Variants in SPSB4 observed in about 807,000 individuals in gnomAD.
SPSB4 encodes the protein SPRY domain-containing SOCS box protein 4.
SPSB4 carries 21 observed loss-of-function variants against 20.9 expected under a neutral mutation model. The ratio of observed to expected loss-of-function variants is 1.01; its 90% CI spans 0.71 to 1.45. The LOEUF is 1.45. SPSB4 is among the 40% of genes most tolerant of loss of function. The pLI is 0.00. For synonymous variants in SPSB4, 207 were observed against 183.8 expected (o/e 1.13, Z -1.02); for missense variants, 399 against 399.2 (o/e 1.00, Z 0.00).
chr3:141,110,129 T>C (rs1169443019), intron 2 of SPSB4, among the ~76,000 whole-genome samples: 6 of 152,194 alleles, frequency 3.9e-5, no homozygotes, highest in Non-Finnish European at 1.5e-5. Flanking sequence ...CCACAGCGGA[T>C]GCTTCTTTCA....
intron 2 of SPSB4, among the ~76,000 whole-genome samples, chr3:141,130,437 C>T (rs1176958595): frequency 1.3e-5 from 2 of 152,168 alleles, no homozygotes; most frequent in Non-Finnish European, 1.5e-5. Flanking sequence ...TGTGCTTGCA[C>T]ATGTGTGTGT....
chr3:141,096,668 C>T (rs899315670), intron 2 of SPSB4, among the ~76,000 whole-genome samples: 1 of 152,206 alleles, frequency 6.6e-6, no homozygotes, highest in Non-Finnish European at 1.5e-5. Flanking sequence ...TCATAGTAAA[C>T]ATATTACAGT....
chr3:141,145,659 C>A (rs966144665), intron 2 of SPSB4, among the ~76,000 whole-genome samples: 1 of 152,024 alleles, frequency 6.6e-6, no homozygotes, highest in Non-Finnish European at 1.5e-5. Context: ...TATTCTATTA[C>A]CAAAAAAGTA....
chr3:141,116,189 T>G (rs1938877348), intron 2 of SPSB4, among the ~76,000 whole-genome samples: 1 of 152,220 alleles, frequency 6.6e-6, no homozygotes, highest in Non-Finnish European at 1.5e-5. Context: ...CCCAGGCTGC[T>G]TCAGGAAGGG....
At chr3:141,121,679 T>C (rs1285848964) in intron 2 of SPSB4, among the ~76,000 whole-genome samples, 1 of 152,240 alleles carries the variant, frequency 6.6e-6, no homozygotes, top group African/African-American at 2.4e-5. Flanking sequence ...CAATCACTGA[T>C]GTCCTTTCTT....
chr3:141,134,056 C>CTTTTTTTT (rs1222303281), intron 2 of SPSB4, among the ~76,000 whole-genome samples: 68 of 61,622 alleles, frequency 1.1e-3, no homozygotes, highest in South Asian at 2.0e-3. Flanking sequence ...TTTCTTTTTT[C>CTTTTTTTT]TTTTTTTTTT....
intron 2 of SPSB4, among the ~76,000 whole-genome samples, chr3:141,133,009 G>A (rs946100693): frequency 2.6e-4 from 40 of 151,872 alleles, no homozygotes; most frequent in Non-Finnish European, 3.8e-4. Context: ...CATTCTTGCA[G>A]GAGTAAGTAT....
intron 1 of SPSB4, among the ~76,000 whole-genome samples, chr3:141,064,460 T>C (rs1313256412): frequency 3.9e-5 from 6 of 152,212 alleles, no homozygotes; most frequent in Non-Finnish European, 8.8e-5. Context: ...GCTCTCGGAA[T>C]AGGGTCAACA....
chr3:141,096,139 T>C (rs1427936742), intron 2 of SPSB4, among the ~76,000 whole-genome samples: 1 of 152,148 alleles, frequency 6.6e-6, no homozygotes, highest in Non-Finnish European at 1.5e-5. Context: ...AGGTACCTTC[T>C]GCCTCAGTCA....
At chr3:141,056,129 C>G (rs1190359754) in intron 1 of SPSB4, among the ~76,000 whole-genome samples, 2 of 152,244 alleles carry the variant, frequency 1.3e-5, no homozygotes, top group African/African-American at 4.8e-5. Flanking sequence ...GTGGTAAGCT[C>G]TACACTTCAA....
chr3:141,105,947 G>A (rs1187211503), intron 2 of SPSB4, among the ~76,000 whole-genome samples: 2 of 152,208 alleles, frequency 1.3e-5, no homozygotes, highest in African/African-American at 2.4e-5. Flanking sequence ...CACACTACAT[G>A]TGGTAACTAC....
At chr3:141,072,455 G>C (rs984787960) in intron 2 of SPSB4, among the ~76,000 whole-genome samples, 3 of 152,150 alleles carry the variant, frequency 2.0e-5, no homozygotes, top group Non-Finnish European at 4.4e-5. Context: ...TGCCCTCCTC[G>C]TGGTAATGAG....
chr3:141,141,997 C>T (rs937219324), intron 2 of SPSB4, among the ~76,000 whole-genome samples: 1 of 152,048 alleles, frequency 6.6e-6, no homozygotes, highest in Non-Finnish European at 1.5e-5. Flanking sequence ...AAAGAACTGG[C>T]TTTTTGTTTT....
At chr3:141,137,804 G>T (rs1046517070) in intron 2 of SPSB4, among the ~76,000 whole-genome samples, 1 of 151,946 alleles carries the variant, frequency 6.6e-6, no homozygotes, top group African/African-American at 2.4e-5. Context: ...CTCTTTTTTT[G>T]TGTGTCTCTG....
intron 1 of SPSB4, among the ~76,000 whole-genome samples, chr3:141,054,866 G>A (rs186708012): frequency 6.6e-6 from 1 of 152,274 alleles, no homozygotes; most frequent in East Asian, 1.9e-4. Context: ...TGGGGAGGCT[G>A]AGGCAGGAGA....
intron 1 of SPSB4, among the ~76,000 whole-genome samples, chr3:141,061,454 TTTTAGA>T (rs1433233456): frequency 2.6e-5 from 4 of 152,010 alleles, no homozygotes; most frequent in African/African-American, 7.2e-5. Context: ...TTCAGAATAG[TTTTAGA>T]TTTAAAGAAA....
At chr3:141,100,314 A>G (rs1258710133) in intron 2 of SPSB4, among the ~76,000 whole-genome samples, 2 of 152,208 alleles carry the variant, frequency 1.3e-5, no homozygotes, top group African/African-American at 2.4e-5. Flanking sequence ...AGATGAGGTC[A>G]TCAGGGTGGG....
At chr3:141,139,521 G>T (rs1426206039) in intron 2 of SPSB4, among the ~76,000 whole-genome samples, 1 of 152,098 alleles carries the variant, frequency 6.6e-6, no homozygotes, top group Non-Finnish European at 1.5e-5. Flanking sequence ...GCTCTTTTAG[G>T]GCAGGCCTGG....
chr3:141,139,991 C>T (rs181550122), intron 2 of SPSB4, among the ~76,000 whole-genome samples: 1 of 152,216 alleles, frequency 6.6e-6, no homozygotes, highest in Admixed American at 6.5e-5. Flanking sequence ...TAGATTTGGT[C>T]TTTTCACATA....
Sources: gnomAD v4.1 joint callset for allele counts (sites outside exome capture counted in the v4.1 genomes callset) on GRCh38, gnomAD v4.1.1 for gene constraint, MANE v1.5 for transcripts, NCBI Gene and HGNC (gene_info 2026-07-23, HGNC 2026-07-21) for gene names.